Variants in LIMS2 observed in about 807,000 individuals in gnomAD.
LIMS2 encodes LIM zinc finger domain containing 2, also known as LIM and senescent cell antigen-like-containing domain protein 2.
LIMS2 carries 30 observed loss-of-function variants against 45.3 expected under a neutral mutation model. The observed-to-expected ratio is 0.66, with a 90% confidence interval of 0.50 to 0.90. The LOEUF is 0.90. Ranked by LOEUF, LIMS2 falls within the 40% of genes least tolerant of loss-of-function variation. LIMS2 has a pLI of 0.00. For synonymous variants in LIMS2, 173 were observed against 188.0 expected (o/e 0.92, Z 0.65); for missense variants, 485 against 468.7 (o/e 1.03, Z -0.32).
chr2:127,651,324 C>G (rs2105275181), intron 4 of LIMS2: 2 of 1,610,838 alleles, frequency 1.2e-6, no homozygotes, highest in Non-Finnish European at 1.7e-6. Flanking sequence ...CCTGGTGTCC[C>G]TGGCAGTGGC....
At chr2:127,668,293 C>T (rs1437577458) in intron 1 of LIMS2, among the ~76,000 whole-genome samples, 1 of 152,046 alleles carries the variant, frequency 6.6e-6, no homozygotes, top group Non-Finnish European at 1.5e-5. Flanking sequence ...AAAATTCCTG[C>T]CTTTTTTAAA....
chr2:127,664,307 C>A lies in LIMS2; in HGVS notation c.12-6745G>T. 3.2e-6 allele frequency: 4 copies of A among 1,235,458 alleles called. No individual in the cohort carries two copies. The highest frequency in any genetic ancestry group is 7.3e-5 in the South Asian group (2 of 27,288). 76.5% of individuals were successfully genotyped at this position (1,235,458 alleles called of 1,614,324 possible). A position where few individuals can be genotyped will look rare whatever the true frequency, so the allele number is the denominator to read the frequency against. On this transcript the variant is annotated intron_variant, in intron 1 of 9. Transcript: ENST00000355119. The surrounding 1 kb of genome is among the most constrained non-coding windows in gnomAD (Gnocchi z 5.5). ...CCCGCCCCGCCCCTGGCCACCTACC[C>A]CGTGGCTGGCGGCGGGCTCTGCCGG...
chr2:127,650,442 G>A lies in LIMS2; in HGVS notation c.359+3982C>T, dbSNP rs148651223. 1.5e-3 allele frequency: 813 copies of A among 547,100 alleles called. 7 individuals carry two copies. The highest frequency in any genetic ancestry group is 0.014 in the African/African-American group (721 of 53,186). The allele number at this position is 547,100 out of a possible 1,614,324, so 33.9% of individuals were successfully genotyped here. On this transcript the variant is annotated intron_variant, in intron 4 of 9. Coordinates refer to ENST00000355119, the MANE Select transcript of LIMS2 (RefSeq NM_001161403.3). ...ACTGACCCGGTCCTCCCAGCTCTGAGGAGCCTCAGATCTCCTGGGTGGCAG... is the reference window on the plus strand; with the variant it reads ...ACTGACCCGGTCCTCCCAGCTCTGAAGAGCCTCAGATCTCCTGGGTGGCAG...
chr2:127,666,648 C>T (rs769607390), intron 1 of LIMS2, among the ~76,000 whole-genome samples: 2 of 139,988 alleles, frequency 1.4e-5, no homozygotes, highest in African/African-American at 2.8e-5. Context: ...TTTCATACTG[C>T]TATTAAGAAC....
intron 1 of LIMS2, among the ~76,000 whole-genome samples, chr2:127,661,091 CA>C (rs1684618781): frequency 6.6e-6 from 1 of 152,222 alleles, no homozygotes; most frequent in Non-Finnish European, 1.5e-5. Context: ...GACACAGCAC[CA>C]TGAGAGAACA....
rs759340754 is a variant in LIMS2 at position 127,650,875 on chromosome 2, T to C, written c.359+3549A>G. 121 of 1,614,024 alleles carry C rather than the reference T, an allele frequency of 7.5e-5. 1 individual carries two copies. In the Admixed American group the frequency reaches 2.0e-3, roughly 27 times the overall value. ...CTTCTGGATTTTATCCTGGCTTTAGTTGGCAATACCCTGGCTCTGTGGCTT... is the reference window on the plus strand; with the variant it reads ...CTTCTGGATTTTATCCTGGCTTTAGCTGGCAATACCCTGGCTCTGTGGCTT... On this transcript the variant is annotated intron_variant, in intron 4 of 9. Transcript: ENST00000355119.
At chr2:127,643,428 A>G (rs1682637586) in intron 4 of LIMS2, 1 of 461,742 alleles carries the variant, frequency 2.2e-6, no homozygotes, top group African/African-American at 2.0e-5. Flanking sequence ...TTTAACACAC[A>G]CGAGTTATAA....
chr2:127,674,733 C>A lies in LIMS2; in HGVS notation c.11+281G>T, dbSNP rs977859407. 5.0e-4 allele frequency: 489 copies of A among 985,318 alleles called. 3 individuals are homozygous for A. The highest frequency in any genetic ancestry group is 5.5e-4 in the Non-Finnish European group (454 of 829,926). The allele number at this position is 985,318 out of a possible 1,614,324, so 61.0% of individuals were successfully genotyped here. A position where few individuals can be genotyped will look rare whatever the true frequency, so the allele number is the denominator to read the frequency against. The stretch of plus-strand genomic sequence containing the variant: ...CTTGGACAAGACCCCCTCCCGCAGC[C>A]CTGGGCGTCGGTTGTGAGCAGACGG... On this transcript the variant is annotated intron_variant, in intron 1 of 9. Transcript: ENST00000355119.
intron 1 of LIMS2, 27 bp from the exon 2 acceptor site, chr2:127,657,589 G>T: frequency 1.3e-6 from 2 of 1,570,864 alleles, no homozygotes; most frequent in Non-Finnish European, 1.7e-6. Context: ...GGAGGAGTGA[G>T]TCAGAGCTGG....
chr2:127,680,386 G>C (rs1056774785), upstream of LIMS2, among the ~76,000 whole-genome samples: 4 of 152,250 alleles, frequency 2.6e-5, no homozygotes, highest in African/African-American at 9.6e-5. Context: ...CCAGGATTTC[G>C]AGGTTACAGT....
chr2:127,640,274 G>C lies in LIMS2; in HGVS notation c.798C>G (p.Gly266=). 1 of 1,613,340 alleles carries C rather than the reference G, an allele frequency of 6.2e-7. No individual in the cohort carries two copies. Among genetic ancestry groups the C allele is most frequent in the East Asian group, 2.2e-5 (1 of 44,884 alleles). The change falls in exon 8 of 10, where the codon GGC becomes GGG. Residue 266 remains glycine (G), a synonymous_variant. Coordinates refer to ENST00000355119, the MANE Select transcript of LIMS2 (RefSeq NM_001161403.3). Reference sequence around the variant, plus strand: ...GGAGGGAACACAGGGCCTCACCATCGCCTTCAATCACATGGCTGCAGTTGT... The same window carrying C: ...GGAGGGAACACAGGGCCTCACCATCCCCTTCAATCACATGGCTGCAGTTGT... ...VCYNCSHVIE[G]DVVSALNKAW...
At chr2:127,668,689 A>AAAT (rs1685137428) in intron 1 of LIMS2, among the ~76,000 whole-genome samples, 1 of 132,626 alleles carries the variant, frequency 7.5e-6, no homozygotes, top group Non-Finnish European at 1.6e-5. Flanking sequence ...AAAAAAAAAA[A>AAAT]AAAAAAAAAA....
rs1190431503 is a variant in LIMS2, at chr2:127,664,478, G to C, written c.12-6916C>G. 2.5e-6 allele frequency: 3 copies of C among 1,176,486 alleles called. No homozygotes were observed. Among genetic ancestry groups the C allele is most frequent in the African/African-American group, 1.6e-5 (1 of 62,356 alleles). 72.9% of individuals were successfully genotyped at this position (1,176,486 alleles called of 1,614,324 possible). ...CTCGGAGGGGAGGCGCGGCCGCCTGGGGCCAGACACCAAGACGGGACGGGC... is the reference window on the plus strand; with the variant it reads ...CTCGGAGGGGAGGCGCGGCCGCCTGCGGCCAGACACCAAGACGGGACGGGC... On this transcript the variant is annotated intron_variant, in intron 1 of 9. Coordinates refer to ENST00000355119, the MANE Select transcript of LIMS2 (RefSeq NM_001161403.3). The surrounding 1 kb of genome is among the most constrained non-coding windows in gnomAD (Gnocchi z 5.5).
chr2:127,678,353 G>A (rs1486441922), upstream of LIMS2, among the ~76,000 whole-genome samples: 1 of 152,184 alleles, frequency 6.6e-6, no homozygotes, highest in Non-Finnish European at 1.5e-5. This position sits in a 1 kb window ranked among gnomAD's most constrained non-coding sequence, Gnocchi z 5.3. Flanking sequence ...GTGAGTCTAC[G>A]ACGATATTAA....
rs528207810 is a variant in LIMS2, at chr2:127,657,542, G to T, written c.32C>A (p.Ala11Asp). 1 of 1,606,162 alleles carries T rather than the reference G, an allele frequency of 6.2e-7. No individual in the cohort carries two copies. The highest frequency in any genetic ancestry group is 1.3e-5 in the African/African-American group (1 of 75,022). Residue 11 changes from alanine (A) to aspartate (D), a missense_variant, in exon 2 of 10, where the codon GCC (alanine) becomes GAC (aspartate). By Grantham distance (126) the Ala-to-Asp change is moderately radical. Coordinates refer to ENST00000355119, the MANE Select transcript of LIMS2 (RefSeq NM_001161403.3). ...CTGGCAGCGCTGGCACACGGCGTTG[G>T]CCAAGGCGTCCGACATATTGCTGGG... is the stretch of plus-strand genomic sequence containing the variant. MTGSNMSDAL[A>D]NAVCQRCQAR...
chr2:127,643,093 AG>A, intron 4 of LIMS2, 21 bp from the exon 5 acceptor site: 1 of 1,553,188 alleles, frequency 6.4e-7, no homozygotes, highest in Non-Finnish European at 8.7e-7. Flanking sequence ...CGGGGGCATT[AG>A]GGGCAGAGCC....
At chr2:127,639,479 C>A (rs755245825) in intron 9 of LIMS2, 51 bp from the exon 10 acceptor site, 15 of 1,599,952 alleles carry the variant, frequency 9.4e-6, no homozygotes, top group African/African-American at 1.3e-5. Context: ...CCCCTTTAAC[C>A]CCAGACAGGT....
chr2:127,667,930 T>G lies in LIMS2; in HGVS notation c.11+7084A>C, dbSNP rs943534979. Among the ~76,000 whole-genome samples, 1 of 152,154 alleles carries G rather than the reference T, an allele frequency of 6.6e-6. No homozygotes were observed. Among genetic ancestry groups the G allele is most frequent in the Admixed American group, 6.5e-5 (1 of 15,280 alleles). On this transcript the variant is annotated intron_variant, in intron 1 of 9. Transcript: ENST00000355119. The surrounding 1 kb of genome is among the most constrained non-coding windows in gnomAD (Gnocchi z 4.1). ...TATTACATACTCATATATAGAAAAC[T>G]CGGAAGAATCCCTCCTCAAAAAAAG...
chr2:127,665,907 T>C (rs1412415181), intron 1 of LIMS2, among the ~76,000 whole-genome samples: 1 of 152,190 alleles, frequency 6.6e-6, no homozygotes, highest in Non-Finnish European at 1.5e-5. Context: ...TGCAACATAA[T>C]CTGTAAATGA....
Sources: gnomAD v4.1 joint callset for allele counts (sites outside exome capture counted in the v4.1 genomes callset) on GRCh38, gnomAD v4.1.1 for gene constraint, Gnocchi (gnomAD v3.1) non-coding constraint, MANE v1.5 for transcripts, NCBI Gene and HGNC (gene_info 2026-07-23, HGNC 2026-07-21) for gene names.